The following PRKN variants were observed in gnomAD, a reference collection of about 807,000 sequenced individuals.
PRKN encodes parkin RBR E3 ubiquitin protein ligase, also known as E3 ubiquitin-protein ligase parkin.
Under a neutral mutation model 59.5 loss-of-function variants are expected in PRKN, and 56 were observed. That is an observed-to-expected ratio of 0.94 (90% CI 0.76 to 1.18). PRKN has a LOEUF of 1.18. PRKN is among the 50% of genes most tolerant of loss of function. The pLI is 0.00. For missense variants in PRKN, 657 were observed against 596.4 expected, an observed-to-expected ratio of 1.10 and a Z score of -1.06; for synonymous variants, 250 against 222.1, an observed-to-expected ratio of 1.13 and a Z score of -1.12.
rs936726639 is a variant in PRKN, at chr6:162,354,630, T to A, written c.171+88680A>T. 2.6e-5 allele frequency among the ~76,000 whole-genome samples: 4 copies of A among 152,208 alleles called. No homozygotes were observed. In the East Asian group the frequency reaches 5.8e-4, roughly 22 times the overall value. ...CAAATCTCTACTATGGCCAATTATA[T>A]TTCCAATGAAGCAATAAAGCATACA... On this transcript the variant is annotated intron_variant, in intron 2 of 11. Coordinates refer to ENST00000366898, the MANE Select transcript of PRKN (RefSeq NM_004562.3).
rs543477232 is a variant in PRKN, at chr6:162,691,654, C to T, written c.7+36008G>A. Among the ~76,000 whole-genome samples, 10 of 152,224 alleles carry T rather than the reference C, an allele frequency of 6.6e-5. No homozygotes were observed. In the South Asian group the frequency reaches 1.7e-3, roughly 25 times the overall value. ...TTCTTGCTTTGAAAAAATTAACTTT[C>T]GGTGAAATATATTGTTTTCCAGTTA... On this transcript the variant is annotated intron_variant, in intron 1 of 11. Coordinates refer to ENST00000366898, the MANE Select transcript of PRKN (RefSeq NM_004562.3).
intron 7 of PRKN, among the ~76,000 whole-genome samples, chr6:161,730,013 C>G (rs1034441903): frequency 6.6e-6 from 1 of 151,950 alleles, no homozygotes; most frequent in Non-Finnish European, 1.5e-5. Flanking sequence ...TGCATTCTTT[C>G]TGATGTGTTG....
At chr6:162,454,345 G>A (rs1318913885) in intron 1 of PRKN, among the ~76,000 whole-genome samples, 1 of 152,166 alleles carries the variant, frequency 6.6e-6, no homozygotes, top group African/African-American at 2.4e-5. Flanking sequence ...TTGGTCTAAA[G>A]TGTCGTTAGT....
intron 2 of PRKN, among the ~76,000 whole-genome samples, chr6:162,430,562 A>G (rs1789470112): frequency 6.6e-6 from 1 of 150,500 alleles, no homozygotes; most frequent in Admixed American, 6.6e-5. Context: ...TTGTATAAAT[A>G]CAGAATGGGG....
intron 7 of PRKN, among the ~76,000 whole-genome samples, chr6:161,779,440 C>CTTTTTTT (rs10683923): frequency 0.053 from 2,194 of 41,634 alleles, 721 homozygotes; most frequent in East Asian, 0.12. Context: ...CTTTTCTTTT[C>CTTTTTTT]TTTTTTTTTT....
At chr6:161,902,276 C>T (rs1311790799) in intron 6 of PRKN, among the ~76,000 whole-genome samples, 1 of 152,128 alleles carries the variant, frequency 6.6e-6, no homozygotes, top group Admixed American at 6.5e-5. Flanking sequence ...GATGTCAAAA[C>T]GTCACCAGGC....
intron 2 of PRKN, among the ~76,000 whole-genome samples, chr6:162,431,758 G>C (rs1242110994): frequency 2.0e-5 from 3 of 152,066 alleles, no homozygotes; most frequent in Non-Finnish European, 4.4e-5. Context: ...TCCACCAGAG[G>C]CAAGAATTAA....
At chr6:161,657,381 A>C (rs1370328336) in intron 7 of PRKN, among the ~76,000 whole-genome samples, 1 of 152,152 alleles carries the variant, frequency 6.6e-6, no homozygotes, top group Non-Finnish European at 1.5e-5. Context: ...CTTTTATTTC[A>C]AATCTCCTCA....
intron 2 of PRKN, among the ~76,000 whole-genome samples, chr6:162,426,472 A>C (rs1180460739): frequency 6.6e-6 from 1 of 152,246 alleles, no homozygotes; most frequent in Non-Finnish European, 1.5e-5. Context: ...TTTTTCTGAG[A>C]CAAGGTCTGG....
intron 6 of PRKN, among the ~76,000 whole-genome samples, chr6:161,813,356 G>C (rs1327504854): frequency 6.6e-6 from 1 of 152,198 alleles, no homozygotes; most frequent in Non-Finnish European, 1.5e-5. Context: ...GCCTCACCGG[G>C]CTGCGGCGAG....
intron 2 of PRKN, among the ~76,000 whole-genome samples, chr6:162,310,280 C>T (rs1782435566): frequency 6.6e-6 from 1 of 152,166 alleles, no homozygotes; most frequent in South Asian, 2.1e-4. Flanking sequence ...GGTGGCCTCT[C>T]AACATCTGTA....
At chr6:162,409,171 AT>A (rs149417318) in intron 2 of PRKN, among the ~76,000 whole-genome samples, 15 of 146,362 alleles carry the variant, frequency 1.0e-4, no homozygotes, top group Admixed American at 2.7e-4. Flanking sequence ...TTTCTTTTGT[AT>A]TTTTTTTTTA....
intron 1 of PRKN, among the ~76,000 whole-genome samples, chr6:162,443,819 C>T (rs1790180126): frequency 6.6e-6 from 1 of 152,074 alleles, no homozygotes; most frequent in South Asian, 2.1e-4. Context: ...TCAGCTCTGA[C>T]AGCATGTACA....
chr6:162,242,084 T>C (rs752246263), intron 3 of PRKN, among the ~76,000 whole-genome samples: 1 of 152,028 alleles, frequency 6.6e-6, no homozygotes, highest in Admixed American at 6.6e-5. Flanking sequence ...AAATAAGAAA[T>C]TGCATAAAGA....
At chr6:162,246,680 T>C (rs559840379) in intron 3 of PRKN, among the ~76,000 whole-genome samples, 1 of 152,266 alleles carries the variant, frequency 6.6e-6, no homozygotes, top group South Asian at 2.1e-4. Flanking sequence ...TGTGATAAGG[T>C]TTCTATTTTA....
chr6:162,554,080 C>T (rs954445874), intron 1 of PRKN, among the ~76,000 whole-genome samples: 4 of 152,056 alleles, frequency 2.6e-5, no homozygotes, highest in Admixed American at 1.3e-4. Flanking sequence ...ACATCTAGTT[C>T]GACTCTGTTA....
intron 4 of PRKN, among the ~76,000 whole-genome samples, chr6:162,076,548 G>T (rs937763008): frequency 4.0e-5 from 6 of 151,892 alleles, no homozygotes; most frequent in African/African-American, 1.5e-4. Flanking sequence ...AAATCATTCA[G>T]GCCTGTTTCT....
intron 6 of PRKN, among the ~76,000 whole-genome samples, chr6:161,956,370 T>C (rs1266627727): frequency 6.6e-6 from 1 of 152,112 alleles, no homozygotes; most frequent in East Asian, 1.9e-4. Flanking sequence ...AAATGAAGAC[T>C]GGAAAACAAG....
At position 162,011,397 on chromosome 6, in the gene PRKN, TATAAATA is replaced by T. The variant is rs1562458875; in HGVS notation, c.619-37987_619-37981del. On this transcript the variant is annotated intron_variant, in intron 5 of 11. Coordinates refer to ENST00000366898, the MANE Select transcript of PRKN (RefSeq NM_004562.3). ...TATATTATATATTTATAATATATAT[TATAAATA>T]TATAATATATTATATTTTATAATAT... Among the ~76,000 whole-genome samples the T allele has an allele frequency of 2.1e-4, 6 of 28,048 alleles. 1 individual carries two copies. Among genetic ancestry groups the T allele is most frequent in the Admixed American group, 1.8e-3 (2 of 1,130 alleles). The allele number at this position is 28,048 out of a possible 152,430, so 18.4% of individuals were successfully genotyped here. A position where few individuals can be genotyped will look rare whatever the true frequency, so the allele number is the denominator to read the frequency against.
Sources: allele counts gnomAD v4.1 joint callset (sites outside exome capture counted in the v4.1 genomes callset), GRCh38; gene constraint gnomAD v4.1.1; transcripts MANE v1.5; gene names NCBI Gene and HGNC (gene_info 2026-07-23, HGNC 2026-07-21).